Variants in SYT16 observed in about 807,000 individuals in gnomAD.
SYT16 encodes synaptotagmin 16.
Under a neutral mutation model 61.4 loss-of-function variants are expected in SYT16, and 42 were observed. The ratio of observed to expected loss-of-function variants is 0.68; its 90% confidence interval spans 0.53 to 0.89. The LOEUF (loss-of-function observed/expected upper bound fraction) is 0.89, where lower values mean the gene tolerates loss of function less well. Ranked by LOEUF, SYT16 falls within the 40% of genes least tolerant of loss-of-function variation. The probability of loss-of-function intolerance (pLI) is 0.00; values close to 1 mark genes in which losing one functional copy is unlikely to be tolerated. For missense variants in SYT16, 804 were observed against 807.3 expected (o/e 1.00, Z 0.05); for synonymous variants, 314 against 302.3 (o/e 1.04, Z -0.40).
intron 1 of SYT16, among the ~76,000 whole-genome samples, chr14:61,894,199 C>T (rs1435278559): frequency 2.0e-5 from 3 of 152,046 alleles, no homozygotes; most frequent in Admixed American, 6.5e-5. Context: ...GAAGGAGAAT[C>T]GCTTGAGCCC....
At chr14:61,855,978 C>T (rs17099282) in intron 1 of SYT16, among the ~76,000 whole-genome samples, 14,886 of 152,230 alleles carry the variant, frequency 0.098, 1,570 homozygotes, top group African/African-American at 0.26. Flanking sequence ...CAAATGTTAT[C>T]TCCAATGTCT....
chr14:62,052,950 T>C (rs927310445), intron 3 of SYT16, among the ~76,000 whole-genome samples: 2 of 152,200 alleles, frequency 1.3e-5, no homozygotes, highest in African/African-American at 4.8e-5. Flanking sequence ...ATGAAAGACA[T>C]AAATTGGTTC....
At chr14:61,999,329 T>A (rs538666610) in intron 3 of SYT16, among the ~76,000 whole-genome samples, 19 of 151,986 alleles carry the variant, frequency 1.3e-4, no homozygotes, top group African/African-American at 4.6e-4. Flanking sequence ...AGTTTGTTTT[T>A]TTCTTAAGTG....
intron 3 of SYT16, among the ~76,000 whole-genome samples, chr14:62,062,256 C>T (rs1200407179): frequency 6.6e-6 from 1 of 152,072 alleles, no homozygotes; most frequent in Non-Finnish European, 1.5e-5. Flanking sequence ...TTTGATTGTA[C>T]TGAAGTCTCT....
chr14:61,833,776 CTCTT>C (rs1247849814), intron 1 of SYT16, among the ~76,000 whole-genome samples: 2 of 147,572 alleles, frequency 1.4e-5, no homozygotes, highest in Non-Finnish European at 3.0e-5. Context: ...AGCTTCCTCG[CTCTT>C]TCTTTGCGCT....
rs1026013554 is a variant in SYT16 at position 61,859,135 on chromosome 14, A to G, written c.-325+46325A>G. Among the ~76,000 whole-genome samples the G allele has an allele frequency of 1.4e-3, 216 of 152,186 alleles. 1 individual carries two copies. Among genetic ancestry groups the G allele is most frequent in the Non-Finnish European group, 1.7e-3 (114 of 67,996 alleles). On this transcript the variant is annotated intron_variant, in intron 1 of 7. Transcript: ENST00000683842. ...CGGCCTCCCAAAGTGTTGGGATTAC[A>G]GGCGTGAGCCACCGCGCCCGGCCAG... is the stretch of plus-strand genomic sequence containing the variant.
intron 1 of SYT16, among the ~76,000 whole-genome samples, chr14:61,856,681 T>C (rs1594767504): frequency 6.6e-6 from 1 of 152,144 alleles, no homozygotes; most frequent in Non-Finnish European, 1.5e-5. Context: ...ATTGGAGATA[T>C]TGAATAAGCA....
rs191018203 is a variant in SYT16 at position 62,085,751 on chromosome 14, G to A, written c.1624+1366G>A. Among the ~76,000 whole-genome samples the A allele has an allele frequency of 1.2e-3, 181 of 152,250 alleles. 1 individual carries two copies. Among genetic ancestry groups the A allele is most frequent in the African/African-American group, 4.0e-3 (166 of 41,548 alleles). ...ATAACAGAATAGACTGGGTTTATCAGCCATATTCTATGTCGACACTCAGAG... is the reference window on the plus strand; with the variant it reads ...ATAACAGAATAGACTGGGTTTATCAACCATATTCTATGTCGACACTCAGAG... On this transcript the variant is annotated intron_variant, in intron 7 of 7. Coordinates refer to ENST00000683842, the MANE Select transcript of SYT16 (RefSeq NM_001367656.1).
chr14:61,935,532 C>G (rs2049945604), intron 1 of SYT16, among the ~76,000 whole-genome samples: 2 of 152,200 alleles, frequency 1.3e-5, no homozygotes, highest in South Asian at 2.1e-4. Flanking sequence ...TGGTCATTCT[C>G]TAAGCCTGTG....
At chr14:61,891,272 A>AC (rs3059979) in intron 1 of SYT16, among the ~76,000 whole-genome samples, 2 of 150,484 alleles carry the variant, frequency 1.3e-5, no homozygotes, top group African/African-American at 4.9e-5. Context: ...ACACACACAC[A>AC]ATTTATCCAT....
At position 62,059,777 on chromosome 14, in the gene SYT16, T is replaced by TACACACACACAC. The variant is rs34498170; in HGVS notation, c.524-9813_524-9802dup. On this transcript the variant is annotated intron_variant, in intron 3 of 7. Transcript: ENST00000683842. ...ATATATATGTGTATATGTATACACA[T>TACACACACACAC]ACACACACACACACACACACACACT... 4.4e-3 allele frequency among the ~76,000 whole-genome samples: 652 copies of TACACACACACAC among 146,800 alleles called. 3 individuals carry two copies. The highest frequency in any genetic ancestry group is 0.014 in the South Asian group (67 of 4,652).
At chr14:61,937,119 G>T (rs937548947) in intron 1 of SYT16, among the ~76,000 whole-genome samples, 1 of 152,224 alleles carries the variant, frequency 6.6e-6, no homozygotes, top group African/African-American at 2.4e-5. Context: ...TTTCCCCGTG[G>T]ATGGTGATGT....
chr14:61,901,598 C>G (rs975291153), intron 1 of SYT16, among the ~76,000 whole-genome samples: 1 of 152,022 alleles, frequency 6.6e-6, no homozygotes, highest in African/African-American at 2.4e-5. Flanking sequence ...CTGGGTTCCC[C>G]CTGTATCCCC....
At chr14:61,819,987 GGGTGTACCTCATATTAT>G (rs1347279551) in intron 1 of SYT16, among the ~76,000 whole-genome samples, 1 of 152,174 alleles carries the variant, frequency 6.6e-6, no homozygotes, top group Non-Finnish European at 1.5e-5. Flanking sequence ...CCTCCCCATA[GGGTGTACCTCATATTAT>G]GAGAACAATC....
intron 1 of SYT16, among the ~76,000 whole-genome samples, chr14:61,851,334 A>T (rs1464100764): frequency 1.3e-5 from 2 of 152,182 alleles, no homozygotes; most frequent in South Asian, 4.1e-4. Context: ...GGTTGACTCC[A>T]TGTCTTTGCT....
chr14:61,922,463 T>C (rs944899289), intron 1 of SYT16, among the ~76,000 whole-genome samples: 8 of 152,166 alleles, frequency 5.3e-5, no homozygotes, highest in Admixed American at 1.3e-4. Context: ...TTCTCACTTA[T>C]AAGTGGGAGC....
chr14:61,852,581 T>C (rs2046649308), intron 1 of SYT16, among the ~76,000 whole-genome samples: 1 of 152,230 alleles, frequency 6.6e-6, no homozygotes, highest in Non-Finnish European at 1.5e-5. Flanking sequence ...ATTTGTGTCC[T>C]CTCTGATTTC....
intron 3 of SYT16, among the ~76,000 whole-genome samples, chr14:62,060,497 C>T (rs999019032): frequency 7.2e-6 from 1 of 139,156 alleles, no homozygotes; most frequent in African/African-American, 3.1e-5. Flanking sequence ...GAGAAATATC[C>T]ATAGGATGGT....
At chr14:62,031,797 C>G (rs186574905) in intron 3 of SYT16, among the ~76,000 whole-genome samples, 2 of 152,180 alleles carry the variant, frequency 1.3e-5, no homozygotes, top group Admixed American at 1.3e-4. Flanking sequence ...GGAAACAAGC[C>G]TTGTACTGGA....
Sources: gnomAD v4.1 joint callset for allele counts (sites outside exome capture counted in the v4.1 genomes callset) on GRCh38, gnomAD v4.1.1 for gene constraint, MANE v1.5 for transcripts, NCBI Gene and HGNC (gene_info 2026-07-23, HGNC 2026-07-21) for gene names.